Variants in UTRN observed in about 807,000 individuals in gnomAD.
The protein encoded by UTRN is utrophin.
UTRN carries 283 observed loss-of-function variants against 463.9 expected under a neutral mutation model. That is an observed-to-expected ratio of 0.61 (90% CI 0.55 to 0.67). UTRN has a LOEUF of 0.67. Ranked by LOEUF, UTRN falls within the 30% of genes least tolerant of loss-of-function variation. The pLI is 0.00. For synonymous variants in UTRN, 1,442 were observed against 1,431.5 expected (o/e 1.01, Z -0.17); for missense variants, 3,922 against 4,084.3 (o/e 0.96, Z 1.08).
At chr6:144,343,986 C>T (rs557723335) in intron 2 of UTRN, 6 of 318,148 alleles carry the variant, frequency 1.9e-5, no homozygotes, top group South Asian at 1.1e-4. Context: ...AAAAAACCTG[C>T]CTAAGGAGTT....
At chr6:144,296,287 C>A (rs1253547963) in intron 2 of UTRN, among the ~76,000 whole-genome samples, 1 of 152,214 alleles carries the variant, frequency 6.6e-6, no homozygotes, top group Non-Finnish European at 1.5e-5. Flanking sequence ...GAGTGAGACT[C>A]TATGGTGAAC....
At chr6:144,708,407 G>C (rs539045889) in intron 53 of UTRN, 13 of 630,302 alleles carry the variant, frequency 2.1e-5, no homozygotes, top group Non-Finnish European at 3.6e-5. Context: ...TTTGCCTTTG[G>C]CCTCTCATAT....
At chr6:144,546,576 G>A (rs1798424015) in intron 46 of UTRN, among the ~76,000 whole-genome samples, 1 of 152,140 alleles carries the variant, frequency 6.6e-6, no homozygotes, top group African/African-American at 2.4e-5. Flanking sequence ...TGAGGCAGGA[G>A]GATCACTTGA....
intron 51 of UTRN, among the ~76,000 whole-genome samples, chr6:144,592,941 C>A (rs1227239471): frequency 1.3e-5 from 2 of 152,136 alleles, no homozygotes. Flanking sequence ...AACCCAGTCA[C>A]TGTAGTTTCT....
chr6:144,530,355 A>G (rs981816744), intron 41 of UTRN, among the ~76,000 whole-genome samples: 1 of 152,170 alleles, frequency 6.6e-6, no homozygotes, highest in Admixed American at 6.5e-5. Flanking sequence ...CTAGAGCCCC[A>G]CACTTATGAC....
chr6:144,554,009 A>G (rs1379038271), intron 48 of UTRN, among the ~76,000 whole-genome samples: 6 of 152,182 alleles, frequency 3.9e-5, no homozygotes, highest in Non-Finnish European at 1.5e-5. Flanking sequence ...TTGAGGAGAA[A>G]TAGAAAGAGA....
intron 46 of UTRN, among the ~76,000 whole-genome samples, chr6:144,544,716 T>C (rs542597752): frequency 3.3e-5 from 5 of 152,108 alleles, no homozygotes; most frequent in Non-Finnish European, 7.4e-5. Flanking sequence ...AAAAAAACCT[T>C]TTTCGTTTTC....
At chr6:144,667,399 G>A (rs1439242061) in intron 51 of UTRN, among the ~76,000 whole-genome samples, 1 of 152,088 alleles carries the variant, frequency 6.6e-6, no homozygotes, top group African/African-American at 2.4e-5. Flanking sequence ...GAATCAAATA[G>A]GTCAAACCAC....
At chr6:144,732,733 G>A (rs571661003) in intron 54 of UTRN, among the ~76,000 whole-genome samples, 4 of 148,890 alleles carry the variant, frequency 2.7e-5, no homozygotes, top group African/African-American at 9.9e-5. Flanking sequence ...GTTATTTTGA[G>A]ACAGGGTTTT....
chr6:144,835,689 A>G (rs775769501), intron 69 of UTRN, 91 bp from the exon 70 acceptor site: 25 of 1,553,648 alleles, frequency 1.6e-5, no homozygotes, highest in Non-Finnish European at 2.0e-5. Flanking sequence ...CCCAGCCACT[A>G]TCCTGTCCAT....
chr6:144,827,483 G>A, intron 67 of UTRN, 97 bp downstream of exon 67: 1 of 1,599,196 alleles, frequency 6.3e-7, no homozygotes, highest in East Asian at 2.2e-5. Flanking sequence ...ATACTTCTGT[G>A]TTCCGGGTAA....
At chr6:144,373,073 G>T (rs1584490847) in intron 2 of UTRN, among the ~76,000 whole-genome samples, 5 of 152,284 alleles carry the variant, frequency 3.3e-5, no homozygotes, top group Admixed American at 2.6e-4. Flanking sequence ...TTGTGAAAAT[G>T]TAAAATAGTG....
At chr6:144,541,538 C>A (rs1479098926) in intron 45 of UTRN, among the ~76,000 whole-genome samples, 2 of 152,216 alleles carry the variant, frequency 1.3e-5, no homozygotes, top group East Asian at 1.9e-4. Flanking sequence ...TGCAGAAAAT[C>A]TCAACAAACA....
intron 69 of UTRN, 27 bp downstream of exon 69, chr6:144,828,882 C>T (rs1780420685): frequency 6.2e-7 from 1 of 1,611,054 alleles, no homozygotes; most frequent in African/African-American, 1.3e-5. Flanking sequence ...ATTAGTGCTG[C>T]CTGGGAAGGC....
intron 51 of UTRN, among the ~76,000 whole-genome samples, chr6:144,659,656 A>G (rs1410474646): frequency 6.6e-6 from 1 of 151,188 alleles, no homozygotes; most frequent in Non-Finnish European, 1.5e-5. Flanking sequence ...AGCTAAGAGT[A>G]CACTCCTCCT....
At chr6:144,500,757 A>G (rs1323649138) in intron 34 of UTRN, among the ~76,000 whole-genome samples, 1 of 152,254 alleles carries the variant, frequency 6.6e-6, no homozygotes, top group East Asian at 1.9e-4. Context: ...TTAACCCTGT[A>G]CTTTGAAATC....
intron 49 of UTRN, among the ~76,000 whole-genome samples, chr6:144,555,458 T>C (rs563586299): frequency 7.0e-4 from 107 of 152,198 alleles, no homozygotes; most frequent in African/African-American, 2.5e-3. Flanking sequence ...TTGGAGACAT[T>C]GTCTCACTCT....
At position 144,485,461 on chromosome 6, in the gene UTRN, G is replaced by T. The variant is rs752470080; in HGVS notation, c.3764G>T (p.Arg1255Leu). The T allele has an allele frequency of 6.2e-7, 1 of 1,614,198 alleles. No homozygotes were observed. Among genetic ancestry groups the T allele is most frequent in the Non-Finnish European group, 8.5e-7 (1 of 1,180,038 alleles). ...ACCTGGTTAAACACTTTGGAAGAGC[G>T]GATGAAGAGCACAGAGGTCCTGCCT... ...ETTWLNTLEERMKSTEVLPEK... is the reference protein window; with the variant it reads ...ETTWLNTLEELMKSTEVLPEK... The change falls in exon 28 of 75, where the codon CGG becomes CTG. Residue 1255 changes from arginine to leucine, a missense_variant. This residue lies in a region of UTRN where 2,349 missense variants were observed against 2,303.8 expected (regional missense o/e 1.02). Transcript: ENST00000367545.
At chr6:144,538,687 A>G (rs1452918940) in intron 44 of UTRN, among the ~76,000 whole-genome samples, 1 of 151,774 alleles carries the variant, frequency 6.6e-6, no homozygotes, top group East Asian at 1.9e-4. Flanking sequence ...AAAAAAAAAA[A>G]GAAATTATGA....
Sources: gnomAD v4.1 joint callset for allele counts (sites outside exome capture counted in the v4.1 genomes callset) on GRCh38, gnomAD v4.1.1 for gene constraint, gnomAD v4.1.1 regional missense constraint, MANE v1.5 for transcripts, NCBI Gene and HGNC (gene_info 2026-07-23, HGNC 2026-07-21) for gene names.